ZDHHC15: variants seen among roughly 807,000 people sequenced by gnomAD.
ZDHHC15 encodes zDHHC palmitoyltransferase 15.
ZDHHC15 carries 19 observed loss-of-function variants against 31.7 expected under a neutral mutation model. The observed-to-expected ratio is 0.60, with a 90% CI of 0.42 to 0.88. The LOEUF (loss-of-function observed/expected upper bound fraction) is 0.88, where lower values mean the gene tolerates loss of function less well. Among genes scored for constraint, ZDHHC15 ranks in the 40% least tolerant of loss-of-function variants. The probability of loss-of-function intolerance (pLI) is 0.00; values close to 1 mark genes in which losing one functional copy is unlikely to be tolerated. For missense variants in ZDHHC15, 209 were observed against 251.2 expected (o/e 0.83, Z 1.14); for synonymous variants, 103 against 90.0 (o/e 1.14, Z -0.82).
intron 9 of ZDHHC15, among the ~76,000 whole-genome samples, chrX:75,420,196 A>G (rs888285528): frequency 8.9e-6 from 1 of 111,848 alleles, no homozygotes; most frequent in Non-Finnish European, 1.9e-5. Context: ...CAACAAACAT[A>G]TTAAAAAAAG....
chrX:75,481,406 G>T (rs755914714), intron 2 of ZDHHC15, among the ~76,000 whole-genome samples: 68 of 111,821 alleles, frequency 6.1e-4, no homozygotes, highest in African/African-American at 2.1e-3. Context: ...GAGATGGGAA[G>T]TGTGGGACTT....
At chrX:75,374,878 GAAAT>G (rs1569301133) in intron 11 of ZDHHC15, among the ~76,000 whole-genome samples, 1 of 110,310 alleles carries the variant, frequency 9.1e-6, no homozygotes, top group East Asian at 2.8e-4. Flanking sequence ...TGATAGTAAC[GAAAT>G]AAATCAGTGT....
intron 10 of ZDHHC15, among the ~76,000 whole-genome samples, chrX:75,387,854 A>AC (rs2083196637): frequency 8.9e-6 from 1 of 112,381 alleles, no homozygotes; most frequent in Admixed American, 9.4e-5. Flanking sequence ...TCAAAGGCAC[A>AC]TAATAGTCAA....
intron 10 of ZDHHC15, among the ~76,000 whole-genome samples, chrX:75,413,693 A>AAAAAC (rs1472868885): frequency 1.4e-4 from 16 of 110,910 alleles, no homozygotes; most frequent in African/African-American, 5.2e-4. Flanking sequence ...CAACAACAAC[A>AAAAAC]AAAACAAAAC....
intron 4 of ZDHHC15, among the ~76,000 whole-genome samples, chrX:75,446,335 G>A (rs1262156848): frequency 2.7e-5 from 3 of 111,270 alleles, no homozygotes; most frequent in African/African-American, 9.8e-5. Context: ...ACCTGCCTTG[G>A]TTTAATGTTG....
At chrX:75,482,133 G>A (rs2084698307) in intron 2 of ZDHHC15, among the ~76,000 whole-genome samples, 1 of 110,652 alleles carries the variant, frequency 9.0e-6, no homozygotes, top group South Asian at 3.9e-4. Flanking sequence ...CTGTGTTGGG[G>A]GGTGGGGAAC....
intron 3 of ZDHHC15, among the ~76,000 whole-genome samples, chrX:75,456,918 T>C (rs1321454078): frequency 9.0e-6 from 1 of 111,407 alleles, no homozygotes; most frequent in Non-Finnish European, 1.9e-5. Context: ...ACTTGGAGCT[T>C]CTTGCTTAAT....
At chrX:75,471,493 C>T (rs1011460764) in intron 3 of ZDHHC15, among the ~76,000 whole-genome samples, 1 of 111,801 alleles carries the variant, frequency 8.9e-6, no homozygotes. Context: ...TCCAGGGTTC[C>T]AGTGGTGTGA....
chrX:75,481,387 C>T (rs1212904685), intron 2 of ZDHHC15, among the ~76,000 whole-genome samples: 1 of 111,585 alleles, frequency 9.0e-6, no homozygotes, highest in East Asian at 2.8e-4. Context: ...ATTTTTAATT[C>T]CAATGATTGA....
chrX:75,487,322 A>C (rs1173764733), intron 2 of ZDHHC15, among the ~76,000 whole-genome samples: 1 of 112,315 alleles, frequency 8.9e-6, no homozygotes, highest in Non-Finnish European at 1.9e-5. Flanking sequence ...GGAATCTATG[A>C]CTGGGAGACC....
intron 7 of ZDHHC15, among the ~76,000 whole-genome samples, chrX:75,425,392 A>T (rs944806519): frequency 9.0e-6 from 1 of 111,727 alleles, no homozygotes; most frequent in Non-Finnish European, 1.9e-5. Context: ...GACAGTAAAA[A>T]TCAAGCAGAA....
intron 2 of ZDHHC15, among the ~76,000 whole-genome samples, chrX:75,498,814 C>T (rs2085047953): frequency 9.0e-6 from 1 of 111,542 alleles, no homozygotes; most frequent in South Asian, 3.8e-4. Flanking sequence ...CAAAAAAGAG[C>T]CCACATAGCC....
At chrX:75,478,807 C>T in intron 3 of ZDHHC15, 84 bp downstream of exon 3, 1 of 699,815 alleles carries the variant, frequency 1.4e-6, no homozygotes, top group South Asian at 2.6e-5. Context: ...GTATTATTTA[C>T]TCCTCTTTTT....
chrX:75,474,056 G>A (rs1003289847), intron 3 of ZDHHC15, among the ~76,000 whole-genome samples: 3 of 110,875 alleles, frequency 2.7e-5, no homozygotes, highest in African/African-American at 9.9e-5. Flanking sequence ...GACTTGTGAT[G>A]GTTAATACTG....
chrX:75,472,611 C>G (rs2084519742), intron 3 of ZDHHC15, among the ~76,000 whole-genome samples: 1 of 111,663 alleles, frequency 9.0e-6, no homozygotes, highest in South Asian at 3.8e-4. Flanking sequence ...TGAGTGGTGA[C>G]CAACGGGTGA....
At chrX:75,495,863 A>C (rs771663120) in intron 2 of ZDHHC15, among the ~76,000 whole-genome samples, 2 of 107,502 alleles carry the variant, frequency 1.9e-5, no homozygotes, top group African/African-American at 6.8e-5. Flanking sequence ...GCACACCAAC[A>C]TGGCACATCT....
At chrX:75,507,680 C>A (rs140365351) in intron 1 of ZDHHC15, among the ~76,000 whole-genome samples, 4 of 111,572 alleles carry the variant, frequency 3.6e-5, no homozygotes, top group African/African-American at 6.5e-5. Flanking sequence ...TATACACCTT[C>A]TCTGTTTCTT....
chrX:75,475,884 T>A (rs190040962), intron 3 of ZDHHC15, among the ~76,000 whole-genome samples: 2 of 112,249 alleles, frequency 1.8e-5, no homozygotes, highest in Non-Finnish European at 3.8e-5. Context: ...ATGTCTACTT[T>A]CTTTCAGTGA....
At chrX:75,495,339 T>C (rs748701906) in intron 2 of ZDHHC15, among the ~76,000 whole-genome samples, 2 of 111,846 alleles carry the variant, frequency 1.8e-5, no homozygotes, top group Non-Finnish European at 3.8e-5. Flanking sequence ...GGTGGGACTG[T>C]AAACTAGTTC....
Sources: allele counts gnomAD v4.1 joint callset (sites outside exome capture counted in the v4.1 genomes callset), GRCh38; gene constraint gnomAD v4.1.1; transcripts MANE v1.5; gene names NCBI Gene and HGNC (gene_info 2026-07-23, HGNC 2026-07-21).